LRP1B: variants seen among roughly 807,000 people sequenced by gnomAD.
LRP1B encodes the protein LDL receptor related protein 1B.
A neutral mutation model predicts 556.6 loss-of-function variants in LRP1B; 217 were observed. The observed-to-expected ratio is 0.39, with a 90% confidence interval of 0.35 to 0.44. The LOEUF (loss-of-function observed/expected upper bound fraction) is 0.44, where lower values mean the gene tolerates loss of function less well. LRP1B is among the 20% of genes least tolerant of loss of function. The probability of loss-of-function intolerance (pLI) is 1.00; values close to 1 mark genes in which losing one functional copy is unlikely to be tolerated. For missense variants in LRP1B, 5,053 were observed against 5,620.8 expected (o/e 0.90, Z 3.23); for synonymous variants, 2,047 against 1,865.8 (o/e 1.10, Z -2.50).
intron 7 of LRP1B, among the ~76,000 whole-genome samples, chr2:141,064,661 G>C (rs567768554): frequency 6.6e-6 from 1 of 151,894 alleles, no homozygotes; most frequent in Non-Finnish European, 1.5e-5. Flanking sequence ...CAGCTATTGA[G>C]TGCCTATAGT....
At chr2:142,129,027 A>G (rs1707757060) in intron 1 of LRP1B, among the ~76,000 whole-genome samples, 1 of 152,216 alleles carries the variant, frequency 6.6e-6, no homozygotes. Context: ...TGGAGACTCA[A>G]TCAGGAAGAG....
At chr2:141,836,882 C>A (rs896618489) in intron 1 of LRP1B, among the ~76,000 whole-genome samples, 1 of 151,818 alleles carries the variant, frequency 6.6e-6, no homozygotes, top group East Asian at 1.9e-4. Flanking sequence ...ATCTTTAGAT[C>A]CTATGACAAA....
intron 2 of LRP1B, among the ~76,000 whole-genome samples, chr2:141,788,411 A>G (rs1203318388): frequency 3.3e-5 from 5 of 152,054 alleles, no homozygotes; most frequent in African/African-American, 1.2e-4. Context: ...TTTACCATAT[A>G]TGAACAATTC....
chr2:141,839,984 G>A (rs578019024), intron 1 of LRP1B, among the ~76,000 whole-genome samples: 1 of 152,206 alleles, frequency 6.6e-6, no homozygotes, highest in East Asian at 1.9e-4. Context: ...AATAGCCCTG[G>A]AATGAGTTTT....
intron 23 of LRP1B, chr2:140,898,678 T>C (rs971969041): frequency 8.7e-6 from 4 of 460,682 alleles, no homozygotes; most frequent in Non-Finnish European, 1.7e-5. Context: ...CCTAAAAAAA[T>C]TCTAGAGATG....
At chr2:140,562,492 A>C (rs1680966610) in intron 43 of LRP1B, among the ~76,000 whole-genome samples, 1 of 152,208 alleles carries the variant, frequency 6.6e-6, no homozygotes, top group African/African-American at 2.4e-5. Flanking sequence ...TTTGGCAAAC[A>C]AAATTTGCTG....
intron 15 of LRP1B, among the ~76,000 whole-genome samples, chr2:140,998,607 A>G (rs1697322685): frequency 6.6e-6 from 1 of 152,088 alleles, no homozygotes; most frequent in Admixed American, 6.6e-5. Flanking sequence ...AAAGACAAAG[A>G]GTCCAGCCTA....
chr2:141,923,391 TTATCTCTGTCACTATATATA>T (rs1188186458), intron 1 of LRP1B, among the ~76,000 whole-genome samples: 2 of 21,004 alleles, frequency 9.5e-5, no homozygotes, highest in Non-Finnish European at 2.0e-4. Flanking sequence ...TTTAATGAAA[TTATCTCTGTCACTATATATA>T]TATATATATA....
chr2:140,405,541 C>T (rs983574899), intron 66 of LRP1B, among the ~76,000 whole-genome samples: 1 of 151,842 alleles, frequency 6.6e-6, no homozygotes, highest in Admixed American at 6.6e-5. Context: ...ACAACCAACA[C>T]GAATAAATCA....
chr2:140,479,305 A>G (rs1245712631), intron 59 of LRP1B, among the ~76,000 whole-genome samples: 6 of 152,148 alleles, frequency 3.9e-5, no homozygotes, highest in Admixed American at 3.9e-4. Context: ...AAAATTACCT[A>G]TGTAAAAATG....
chr2:140,661,214 G>A (rs997326898), intron 41 of LRP1B, among the ~76,000 whole-genome samples: 6 of 152,112 alleles, frequency 3.9e-5, no homozygotes, highest in Non-Finnish European at 7.4e-5. Context: ...ACTGGGTAAA[G>A]AGTGCTATTA....
intron 3 of LRP1B, among the ~76,000 whole-genome samples, chr2:141,258,759 G>A (rs1212402754): frequency 6.6e-6 from 1 of 152,086 alleles, no homozygotes; most frequent in African/African-American, 2.4e-5. Context: ...GTTTGAAAGT[G>A]TGTAGAACTT....
intron 86 of LRP1B, among the ~76,000 whole-genome samples, chr2:140,250,124 A>G (rs543841066): frequency 7.9e-5 from 12 of 151,900 alleles, no homozygotes; most frequent in Admixed American, 2.0e-4. Flanking sequence ...GCCCTGCACA[A>G]CCCTGCTAGG....
chr2:140,410,886 T>C (rs528439537), intron 66 of LRP1B, among the ~76,000 whole-genome samples: 115 of 152,182 alleles, frequency 7.6e-4, no homozygotes, highest in Middle Eastern at 3.4e-3. Context: ...GTTGCAAGCA[T>C]TGTCACAGGC....
At chr2:141,401,940 T>C (rs1690466204) in intron 3 of LRP1B, among the ~76,000 whole-genome samples, 1 of 152,194 alleles carries the variant, frequency 6.6e-6, no homozygotes. Context: ...TTTTTCAAAT[T>C]TTTAAGCATG....
intron 1 of LRP1B, among the ~76,000 whole-genome samples, chr2:141,929,938 A>T (rs892857669): frequency 2.2e-5 from 3 of 136,106 alleles, no homozygotes; most frequent in Non-Finnish European, 4.8e-5. Flanking sequence ...AAAAAAAAAA[A>T]GACAGTTAAT....
intron 60 of LRP1B, among the ~76,000 whole-genome samples, chr2:140,471,419 C>A (rs537070794): frequency 1.3e-4 from 20 of 152,168 alleles, no homozygotes; most frequent in African/African-American, 4.1e-4. Flanking sequence ...ACTATTAATT[C>A]TTTTTAAAAA....
At chr2:140,458,375 G>A (rs16844008) in intron 60 of LRP1B, among the ~76,000 whole-genome samples, 2,396 of 152,204 alleles carry the variant, frequency 0.016, 64 homozygotes, top group African/African-American at 0.054. Context: ...TCACAAATGT[G>A]AATTACTCAT....
chr2:140,336,779 G>C (rs1400481765), intron 77 of LRP1B, among the ~76,000 whole-genome samples: 2 of 151,848 alleles, frequency 1.3e-5, no homozygotes, highest in Non-Finnish European at 2.9e-5. Context: ...TGGACAGCAA[G>C]AAAAATAACT....
Sources: gnomAD v4.1 joint callset for allele counts (sites outside exome capture counted in the v4.1 genomes callset) on GRCh38, gnomAD v4.1.1 for gene constraint, MANE v1.5 for transcripts, NCBI Gene and HGNC (gene_info 2026-07-23, HGNC 2026-07-21) for gene names.